PRDM5: variants seen among roughly 807,000 people sequenced by gnomAD.
The protein encoded by PRDM5 is PR/SET domain 5.
A neutral mutation model predicts 81.2 loss-of-function variants in PRDM5; 56 were observed. The ratio of observed to expected loss-of-function variants is 0.69; its 90% CI spans 0.56 to 0.86. The LOEUF (loss-of-function observed/expected upper bound fraction) is 0.86, where lower values mean the gene tolerates loss of function less well. Among genes scored for constraint, PRDM5 ranks in the 40% least tolerant of loss-of-function variants. The probability of loss-of-function intolerance (pLI) is 0.00; values close to 1 mark genes in which losing one functional copy is unlikely to be tolerated. For missense variants in PRDM5, 697 were observed against 770.1 expected, an observed-to-expected ratio of 0.91 and a Z score of 1.12; for synonymous variants, 267 against 256.4, an observed-to-expected ratio of 1.04 and a Z score of -0.39.
chr4:120,737,288 A>G (rs1741254689), intron 14 of PRDM5, among the ~76,000 whole-genome samples: 2 of 152,186 alleles, frequency 1.3e-5, no homozygotes, highest in African/African-American at 4.8e-5. Context: ...TCAGAGTAAT[A>G]GGTGTACAGT....
intron 14 of PRDM5, among the ~76,000 whole-genome samples, chr4:120,716,507 G>A (rs530708669): frequency 8.5e-5 from 13 of 152,262 alleles, no homozygotes; most frequent in African/African-American, 3.1e-4. Context: ...ATGTTAGTCT[G>A]GCAAGAAAGG....
At chr4:120,810,748 A>G (rs1006916111) in intron 8 of PRDM5, among the ~76,000 whole-genome samples, 1 of 152,114 alleles carries the variant, frequency 6.6e-6, no homozygotes, top group Non-Finnish European at 1.5e-5. Flanking sequence ...GAAACCCACT[A>G]CCCTGATTCC....
intron 14 of PRDM5, among the ~76,000 whole-genome samples, chr4:120,734,341 A>G (rs1450133623): frequency 2.0e-5 from 3 of 151,474 alleles, no homozygotes. Flanking sequence ...TAGACCAGAG[A>G]TTCTTGAATT....
At chr4:120,824,276 G>A (rs1755670359) in intron 3 of PRDM5, among the ~76,000 whole-genome samples, 2 of 152,144 alleles carry the variant, frequency 1.3e-5, no homozygotes. Flanking sequence ...TTGATCACTG[G>A]TTTAATATTC....
chr4:120,744,464 AC>A (rs1305610691), intron 14 of PRDM5, among the ~76,000 whole-genome samples: 1 of 151,944 alleles, frequency 6.6e-6, no homozygotes, highest in Non-Finnish European at 1.5e-5. Flanking sequence ...GACACAAAAA[AC>A]CCTTCAAAAA....
intron 14 of PRDM5, among the ~76,000 whole-genome samples, chr4:120,742,323 TG>T (rs1413998301): frequency 2.0e-5 from 3 of 151,916 alleles, no homozygotes; most frequent in Non-Finnish European, 2.9e-5. Context: ...ACCACAAAGA[TG>T]GGGAAAAAAC....
intron 13 of PRDM5, among the ~76,000 whole-genome samples, chr4:120,769,818 A>T (rs1746975017): frequency 6.6e-6 from 1 of 152,298 alleles, no homozygotes; most frequent in East Asian, 1.9e-4. Context: ...CTGAAAGAAA[A>T]CAAAAACAAA....
In PRDM5 at chr4:120,777,215, G is replaced by C; in HGVS notation, c.1510C>G (p.Leu504Val). The C allele has an allele frequency of 1.9e-6, 3 of 1,613,372 alleles. No individual in the cohort carries two copies. The highest frequency in any genetic ancestry group is 2.5e-6 in the Non-Finnish European group (3 of 1,179,532). The stretch of plus-strand genomic sequence containing the variant: ...GTGTGGCTCCGGATATGAACTCTGA[G>C]TGTACCACTGCTGGCAAATTTCTGG... ...CGQKFASSGTLRVHIRSHTGE... is the reference protein window; with the variant it reads ...CGQKFASSGTVRVHIRSHTGE... Residue 504 changes from leucine to valine, a missense_variant, in exon 13 of 16, where the codon CTC (leucine) becomes GTC (valine). By Grantham distance (32) the Leu-to-Val change is conservative. Around this residue, in one of 3 missense-constraint regions of PRDM5, gnomAD observed 86 missense variants for 135.2 expected, o/e 0.64. Coordinates refer to ENST00000264808, the MANE Select transcript of PRDM5 (RefSeq NM_018699.4).
intron 15 of PRDM5, among the ~76,000 whole-genome samples, chr4:120,704,333 A>C (rs949317138): frequency 1.3e-5 from 2 of 152,154 alleles, no homozygotes; most frequent in Non-Finnish European, 2.9e-5. Context: ...AAATTCAAGA[A>C]CTTTCATTTT....
chr4:120,844,097 G>C (rs538290511), intron 3 of PRDM5, among the ~76,000 whole-genome samples: 5 of 152,046 alleles, frequency 3.3e-5, no homozygotes, highest in African/African-American at 1.2e-4. Flanking sequence ...CCACACAGCA[G>C]GTTGTCTCTT....
intron 15 of PRDM5, among the ~76,000 whole-genome samples, chr4:120,703,345 C>G (rs887693630): frequency 6.6e-6 from 1 of 152,012 alleles, no homozygotes; most frequent in Admixed American, 6.6e-5. Flanking sequence ...GCCGCCATGC[C>G]AGCTAATTTT....
chr4:120,697,613 T>C (rs992615169), intron 15 of PRDM5, among the ~76,000 whole-genome samples: 1 of 149,784 alleles, frequency 6.7e-6, no homozygotes, highest in Non-Finnish European at 1.5e-5. Context: ...TCGACTCACA[T>C]TTTAGCCTCT....
At chr4:120,730,763 A>G (rs1245504793) in intron 14 of PRDM5, among the ~76,000 whole-genome samples, 2 of 150,820 alleles carry the variant, frequency 1.3e-5, no homozygotes, top group East Asian at 4.1e-4. Flanking sequence ...GTGGTGGTGA[A>G]GCAACAATCA....
chr4:120,798,254 TA>T lies in PRDM5; in HGVS notation c.1188+12del, dbSNP rs1442575383. The stretch of plus-strand genomic sequence containing the variant: ...AATTCATAAAAAATAATAATAATAT[TA>T]ATAAGTTTTACCTTCTTATGATTCT... On this transcript the variant is annotated intron_variant, in intron 10 of 15. Transcript: ENST00000264808. 6.7e-7 allele frequency: 1 copy of T among 1,495,622 alleles called. No homozygotes were observed. The highest frequency in any genetic ancestry group is 9.0e-7 in the Non-Finnish European group (1 of 1,112,176). The allele number at this position is 1,495,622 out of a possible 1,614,324, so 92.6% of individuals were successfully genotyped here. A position where few individuals can be genotyped will look rare whatever the true frequency, so the allele number is the denominator to read the frequency against.
At chr4:120,884,220 C>CA (rs967039520) in intron 2 of PRDM5, among the ~76,000 whole-genome samples, 2 of 151,608 alleles carry the variant, frequency 1.3e-5, no homozygotes, top group African/African-American at 4.8e-5. Flanking sequence ...AGTGAATACA[C>CA]AAAAAAAATA....
At chr4:120,705,758 A>C (rs1264421037) in intron 15 of PRDM5, among the ~76,000 whole-genome samples, 1 of 152,180 alleles carries the variant, frequency 6.6e-6, no homozygotes. Flanking sequence ...AGGTTCTACA[A>C]AGATTACTCT....
intron 14 of PRDM5, among the ~76,000 whole-genome samples, chr4:120,742,086 C>T (rs111445410): frequency 2.0e-5 from 3 of 152,196 alleles, no homozygotes; most frequent in African/African-American, 4.8e-5. Context: ...GATCTGAGAA[C>T]AGGCAGACTG....
chr4:120,773,990 T>C (rs1747688796), intron 13 of PRDM5, among the ~76,000 whole-genome samples: 2 of 152,246 alleles, frequency 1.3e-5, no homozygotes, highest in African/African-American at 2.4e-5. Flanking sequence ...ATGGGTAATA[T>C]TGTTACTTTT....
chr4:120,818,141 T>G (rs538606941), intron 5 of PRDM5: 1 of 540,252 alleles, frequency 1.9e-6, no homozygotes, highest in Admixed American at 3.3e-5. Flanking sequence ...TTAAAATCCA[T>G]AATTTGAATA....
Sources: allele counts gnomAD v4.1 joint callset (sites outside exome capture counted in the v4.1 genomes callset), GRCh38; gene constraint gnomAD v4.1.1; regional missense constraint gnomAD v4.1.1; transcripts MANE v1.5; gene names NCBI Gene and HGNC (gene_info 2026-07-23, HGNC 2026-07-21).